Variants in CTNNA2 observed in about 807,000 individuals in gnomAD.
CTNNA2 encodes catenin alpha 2.
CTNNA2 carries 42 observed loss-of-function variants against 101.0 expected under a neutral mutation model. The ratio of observed to expected loss-of-function variants is 0.42; its 90% CI spans 0.32 to 0.54. CTNNA2 has a LOEUF of 0.54. Ranked by LOEUF, CTNNA2 falls within the 20% of genes least tolerant of loss-of-function variation. The probability of loss-of-function intolerance (pLI) is 0.14; values close to 1 mark genes in which losing one functional copy is unlikely to be tolerated. For missense variants in CTNNA2, 871 were observed against 1,223.1 expected (o/e 0.71, Z 4.29); for synonymous variants, 450 against 456.4 (o/e 0.99, Z 0.18).
intron 7 of CTNNA2, among the ~76,000 whole-genome samples, chr2:80,017,219 G>A (rs1332622018): frequency 1.3e-5 from 2 of 152,012 alleles, no homozygotes; most frequent in African/African-American, 4.8e-5. Context: ...TCCTGCCTCT[G>A]ACCATACTGC....
intron 1 of CTNNA2, among the ~76,000 whole-genome samples, chr2:79,557,995 C>T (rs1327754313): frequency 3.9e-5 from 6 of 151,936 alleles, no homozygotes; most frequent in Non-Finnish European, 8.8e-5. Context: ...TGTACAGAAT[C>T]TCCAGAGCGT....
chr2:79,900,277 C>T (rs1368587886), intron 6 of CTNNA2, among the ~76,000 whole-genome samples: 1 of 152,034 alleles, frequency 6.6e-6, no homozygotes, highest in East Asian at 1.9e-4. Flanking sequence ...GTATTTTAAG[C>T]TGGATAGCAA....
At chr2:79,622,390 C>CT (rs1679051178) in intron 1 of CTNNA2, among the ~76,000 whole-genome samples, 2 of 152,218 alleles carry the variant, frequency 1.3e-5, no homozygotes, top group African/African-American at 4.8e-5. Flanking sequence ...AGATAAGGAA[C>CT]TTAACTTCTT....
At chr2:79,970,209 G>A (rs1169444888) in intron 7 of CTNNA2, among the ~76,000 whole-genome samples, 1 of 152,160 alleles carries the variant, frequency 6.6e-6, no homozygotes, top group Non-Finnish European at 1.5e-5. Flanking sequence ...GCAATGGTAG[G>A]AGGACAGTAA....
chr2:80,157,595 AT>A (rs961936451), intron 7 of CTNNA2, among the ~76,000 whole-genome samples: 40 of 151,064 alleles, frequency 2.6e-4, no homozygotes, highest in Admixed American at 6.6e-4. Flanking sequence ...AATGGTTTCT[AT>A]TTTTTTTTCT....
At chr2:80,342,125 G>A (rs766722766) in intron 7 of CTNNA2, among the ~76,000 whole-genome samples, 2 of 152,150 alleles carry the variant, frequency 1.3e-5, no homozygotes, top group Admixed American at 6.5e-5. Flanking sequence ...AGAGGGAATA[G>A]GAAATGATTG....
intron 2 of CTNNA2, among the ~76,000 whole-genome samples, chr2:79,201,143 A>G (rs181643815): frequency 5.9e-4 from 90 of 152,196 alleles, no homozygotes; most frequent in African/African-American, 2.1e-3. Flanking sequence ...TTCCCCTTGA[A>G]TTGGAACTTT....
chr2:79,770,371 A>G (rs1026593868), intron 3 of CTNNA2, among the ~76,000 whole-genome samples: 1 of 152,228 alleles, frequency 6.6e-6, no homozygotes, highest in African/African-American at 2.4e-5. Context: ...CCAATTAGTC[A>G]ACACCAAAAT....
At chr2:79,517,407 A>C (rs1170522323) in intron 1 of CTNNA2, among the ~76,000 whole-genome samples, 2 of 152,168 alleles carry the variant, frequency 1.3e-5, no homozygotes, top group East Asian at 1.9e-4. Context: ...TTTGTAGTTC[A>C]AATAATATAC....
chr2:79,276,818 T>C (rs1315411282), intron 2 of CTNNA2, among the ~76,000 whole-genome samples: 1 of 152,126 alleles, frequency 6.6e-6, no homozygotes. Context: ...TTCCTTGTCA[T>C]GAAAATTAAA....
At chr2:80,525,762 A>T (rs1002742488) in intron 9 of CTNNA2, among the ~76,000 whole-genome samples, 2 of 152,108 alleles carry the variant, frequency 1.3e-5, no homozygotes, top group African/African-American at 4.8e-5. Context: ...TTGAAGTTGA[A>T]AAGCTGCCTC....
At chr2:79,579,302 C>T (rs1359135460) in intron 1 of CTNNA2, among the ~76,000 whole-genome samples, 6 of 146,166 alleles carry the variant, frequency 4.1e-5, no homozygotes, top group Admixed American at 6.9e-5. Flanking sequence ...TTATTTTCTT[C>T]CTAGAATTCT....
chr2:79,262,046 T>C (rs370063416), intron 2 of CTNNA2, among the ~76,000 whole-genome samples: 1 of 152,126 alleles, frequency 6.6e-6, no homozygotes. Context: ...ATTAATTCTT[T>C]CTCCTGTGTA....
rs1239795784 is a variant in CTNNA2, at chr2:79,896,055, G to A, written c.853-13539G>A. Among the ~76,000 whole-genome samples, 4 of 152,228 alleles carry A rather than the reference G, an allele frequency of 2.6e-5. 1 individual carries two copies. In the Middle Eastern group the frequency reaches 0.01, roughly 388 times the overall value. ...CCCAGCACTTTGGGAGGCTGAGGGA[G>A]GTGGATCGCCTGAGTCTGGGAGGTC... On this transcript the variant is annotated intron_variant, in intron 6 of 18. Coordinates refer to ENST00000402739, the MANE Select transcript of CTNNA2 (RefSeq NM_001282597.3).
intron 7 of CTNNA2, among the ~76,000 whole-genome samples, chr2:80,346,914 T>G (rs1559030263): frequency 6.6e-6 from 1 of 152,202 alleles, no homozygotes; most frequent in Non-Finnish European, 1.5e-5. Context: ...ACAGCAGAAT[T>G]TTGCCCTCAG....
At chr2:79,805,019 T>C (rs1473482330) in intron 3 of CTNNA2, among the ~76,000 whole-genome samples, 1 of 152,044 alleles carries the variant, frequency 6.6e-6, no homozygotes, top group African/African-American at 2.4e-5. Context: ...CTGGGTTGTA[T>C]ATAGGAAGGC....
chr2:79,186,728 T>C (rs1375954756), intron 1 of CTNNA2, among the ~76,000 whole-genome samples: 4 of 152,210 alleles, frequency 2.6e-5, no homozygotes, highest in Admixed American at 2.6e-4. Flanking sequence ...TTTCTTCTAC[T>C]TCTCCCGTTG....
intron 7 of CTNNA2, among the ~76,000 whole-genome samples, chr2:80,344,853 C>T (rs892908736): frequency 2.0e-5 from 3 of 152,158 alleles, no homozygotes; most frequent in South Asian, 2.1e-4. Context: ...TCAACTCTAT[C>T]GTCCTAGTGC....
chr2:80,534,347 A>T (rs1025563080), intron 9 of CTNNA2, among the ~76,000 whole-genome samples: 13 of 152,170 alleles, frequency 8.5e-5, no homozygotes, highest in African/African-American at 3.1e-4. Flanking sequence ...ATTTGATGAT[A>T]AACTTATTTG....
Sources: allele counts gnomAD v4.1 joint callset (sites outside exome capture counted in the v4.1 genomes callset), GRCh38; gene constraint gnomAD v4.1.1; transcripts MANE v1.5; gene names NCBI Gene and HGNC (gene_info 2026-07-23, HGNC 2026-07-21).